Variants in HACE1 observed in about 807,000 individuals in gnomAD.
HACE1 encodes the protein HECT domain and ankyrin repeat containing E3 ubiquitin protein ligase 1, also known as E3 ubiquitin-protein ligase HACE1.
A neutral mutation model predicts 118.4 loss-of-function variants in HACE1; 73 were observed. The observed-to-expected ratio is 0.62, with a 90% CI of 0.51 to 0.75. The LOEUF (loss-of-function observed/expected upper bound fraction) is 0.75. Ranked by LOEUF, HACE1 falls within the 30% of genes least tolerant of loss-of-function variation. The pLI is 0.00. For synonymous variants in HACE1, 368 were observed against 374.8 expected (o/e 0.98, Z 0.21); for missense variants, 749 against 1,102.2 (o/e 0.68, Z 4.54).
At chr6:104,841,615 A>C (rs1004725487) in intron 5 of HACE1, among the ~76,000 whole-genome samples, 4 of 152,218 alleles carry the variant, frequency 2.6e-5, no homozygotes, top group Non-Finnish European at 5.9e-5. Context: ...AGCCATTCAA[A>C]ATTTTAGGAA....
chr6:104,786,830 C>T (rs1456777566), intron 11 of HACE1: 1 of 152,082 alleles, frequency 6.6e-6, no homozygotes, highest in Non-Finnish European at 1.5e-5. Context: ...ATGCTACAAA[C>T]TACACCATGT....
chr6:104,756,495 T>C (rs1367364667), intron 19 of HACE1, among the ~76,000 whole-genome samples: 1 of 151,084 alleles, frequency 6.6e-6, no homozygotes, highest in East Asian at 1.9e-4. Context: ...GTTATAAGAA[T>C]TGATAGTCTG....
intron 7 of HACE1, among the ~76,000 whole-genome samples, chr6:104,807,492 T>G (rs1771138878): frequency 6.6e-6 from 1 of 152,202 alleles, no homozygotes; most frequent in South Asian, 2.1e-4. Flanking sequence ...TATACAACTC[T>G]AACTAAACCT....
intron 17 of HACE1, among the ~76,000 whole-genome samples, chr6:104,774,150 C>T (rs1207235588): frequency 2.9e-5 from 3 of 103,768 alleles, no homozygotes; most frequent in South Asian, 3.2e-4. Context: ...AGTGCAGTGG[C>T]GGGATCTCGG....
intron 19 of HACE1, among the ~76,000 whole-genome samples, chr6:104,762,868 T>C (rs1425625271): frequency 6.6e-6 from 1 of 151,540 alleles, no homozygotes; most frequent in Admixed American, 6.6e-5. Flanking sequence ...TGGACACCTG[T>C]AGTCCCAGCT....
chr6:104,739,386 G>C (rs1302667475), intron 22 of HACE1, among the ~76,000 whole-genome samples: 9 of 152,096 alleles, frequency 5.9e-5, no homozygotes, highest in South Asian at 4.1e-4. Context: ...TGGATAAAGA[G>C]GCAAGACCCA....
chr6:104,812,340 G>A (rs1771715613), intron 6 of HACE1, among the ~76,000 whole-genome samples: 1 of 152,086 alleles, frequency 6.6e-6, no homozygotes, highest in Non-Finnish European at 1.5e-5. Flanking sequence ...TAGCTACTCA[G>A]GAGGCTGAGG....
chr6:104,851,436 A>G (rs1459706319), intron 2 of HACE1, among the ~76,000 whole-genome samples: 1 of 152,210 alleles, frequency 6.6e-6, no homozygotes, highest in Non-Finnish European at 1.5e-5. Context: ...AAAATACTGC[A>G]CTATTCTCTT....
intron 11 of HACE1, among the ~76,000 whole-genome samples, chr6:104,788,796 A>G (rs751968580): frequency 2.0e-5 from 3 of 152,158 alleles, no homozygotes; most frequent in Non-Finnish European, 4.4e-5. Flanking sequence ...CTAGATAAAC[A>G]TCTCTTAATG....
At chr6:104,800,112 G>A (rs568291461) in intron 7 of HACE1, among the ~76,000 whole-genome samples, 12 of 152,170 alleles carry the variant, frequency 7.9e-5, no homozygotes, top group African/African-American at 2.2e-4. Context: ...CACTGCTAGC[G>A]CAGCAGTCTG....
chr6:104,822,887 C>T (rs1772929363), intron 6 of HACE1, among the ~76,000 whole-genome samples: 1 of 152,048 alleles, frequency 6.6e-6, no homozygotes, highest in Non-Finnish European at 1.5e-5. Context: ...ATTTTTTATA[C>T]TGCTTCGTAT....
At chr6:104,848,010 C>T (rs1020138080) in intron 4 of HACE1, among the ~76,000 whole-genome samples, 1 of 151,662 alleles carries the variant, frequency 6.6e-6, no homozygotes, top group Non-Finnish European at 1.5e-5. Context: ...TGCCACCATG[C>T]CTGGATTATT....
Position 104,728,944 on chromosome 6 carries a change from C to A in HACE1, c.*718G>T, listed in dbSNP as rs1224983096. 1 of 152,398 alleles carries A rather than the reference C, an allele frequency of 6.6e-6. No individual in the cohort carries two copies. Among genetic ancestry groups the A allele is most frequent in the Non-Finnish European group, 1.5e-5 (1 of 67,976 alleles). The allele number at this position is 152,398 out of a possible 1,614,324, so 9.4% of individuals were successfully genotyped here. A position where few individuals can be genotyped will look rare whatever the true frequency, so the allele number is the denominator to read the frequency against. ...CGTGGTAAAATACATTTTAATTTTACCTTCATTATAAATTAAAATGAGGCG... is the reference window on the plus strand; with the variant it reads ...CGTGGTAAAATACATTTTAATTTTAACTTCATTATAAATTAAAATGAGGCG... On this transcript the variant is annotated 3_prime_UTR_variant, in exon 24 of 24. Coordinates refer to ENST00000262903, the MANE Select transcript of HACE1 (RefSeq NM_020771.4).
chr6:104,859,061 G>A (rs1777033775), intron 1 of HACE1, among the ~76,000 whole-genome samples: 1 of 152,158 alleles, frequency 6.6e-6, no homozygotes. Context: ...AAGAGTACCT[G>A]TTTGATGTTT....
chr6:104,789,539 C>T (rs1177920427), intron 11 of HACE1, among the ~76,000 whole-genome samples: 2 of 151,932 alleles, frequency 1.3e-5, no homozygotes. Flanking sequence ...AAACAGATAT[C>T]CTTTTCTACT....
chr6:104,798,366 A>T (rs1769922758), intron 7 of HACE1, among the ~76,000 whole-genome samples: 1 of 152,208 alleles, frequency 6.6e-6, no homozygotes, highest in Admixed American at 6.5e-5. Flanking sequence ...TGTATGAAGA[A>T]TAATTTAAAA....
At chr6:104,777,461 A>C (rs996293981) in intron 14 of HACE1, 144 bp from the exon 15 acceptor site, 21 of 666,100 alleles carry the variant, frequency 3.2e-5, no homozygotes, top group Non-Finnish European at 5.2e-5. Flanking sequence ...TAATGTTTGA[A>C]CATTTCAATA....
chr6:104,770,408 AGAG>A (rs1160233362), intron 19 of HACE1, among the ~76,000 whole-genome samples: 1 of 152,168 alleles, frequency 6.6e-6, no homozygotes, highest in Non-Finnish European at 1.5e-5. Flanking sequence ...TAATACATAT[AGAG>A]GAGAGGTAAT....
At chr6:104,793,650 A>G (rs1783311969) in intron 10 of HACE1, among the ~76,000 whole-genome samples, 1 of 152,230 alleles carries the variant, frequency 6.6e-6, no homozygotes, top group African/African-American at 2.4e-5. Flanking sequence ...CTATTAAAAC[A>G]AGGGTCAACA....
Sources: gnomAD v4.1 joint callset for allele counts (sites outside exome capture counted in the v4.1 genomes callset) on GRCh38, gnomAD v4.1.1 for gene constraint, MANE v1.5 for transcripts, NCBI Gene and HGNC (gene_info 2026-07-23, HGNC 2026-07-21) for gene names.